The following AHRR variants were observed in gnomAD, a reference collection of about 807,000 sequenced individuals.
The protein encoded by AHRR is aryl hydrocarbon receptor repressor.
In AHRR, 28 loss-of-function variants were observed where a neutral mutation model predicts 44.0. That is an observed-to-expected ratio of 0.64 (90% CI 0.47 to 0.87). AHRR has a LOEUF of 0.87. AHRR is among the 40% of genes least tolerant of loss of function. The pLI, the probability that AHRR is intolerant of heterozygous loss-of-function variation, is 0.00. For missense variants in AHRR, 990 were observed against 953.9 expected (o/e 1.04, Z -0.50); for synonymous variants, 434 against 407.0 (o/e 1.07, Z -0.80).
At chr5:413,455 CT>C in intron 5 of AHRR, 22 bp downstream of exon 5, 2 of 1,542,566 alleles carry the variant, frequency 1.3e-6, no homozygotes, top group Non-Finnish European at 1.8e-6. Flanking sequence ...CAGAATAGCC[CT>C]CCAGTCTGTT....
At chr5:433,275 T>C (rs2126551305) in intron 10 of AHRR, among the ~76,000 whole-genome samples, 1 of 152,072 alleles carries the variant, frequency 6.6e-6, no homozygotes, top group East Asian at 1.9e-4. Flanking sequence ...TTGCCTTTGC[T>C]CAGAGCCCTC....
chr5:362,438 C>A (rs946756916), intron 3 of AHRR, among the ~76,000 whole-genome samples: 1 of 152,234 alleles, frequency 6.6e-6, no homozygotes, highest in African/African-American at 2.4e-5. Flanking sequence ...ACATGTGGGT[C>A]GAGTGCCTTC....
At chr5:334,437 T>C (rs1389490006) in intron 1 of AHRR, among the ~76,000 whole-genome samples, 1 of 152,084 alleles carries the variant, frequency 6.6e-6, no homozygotes, top group Non-Finnish European at 1.5e-5. Flanking sequence ...TTTTGTTTGA[T>C]TGGATAGTTT....
rs372582448 is a variant in AHRR, at chr5:387,146, C to T, written c.351+10430C>T. Reference sequence around the variant, plus strand: ...CGTCAGTGCAGCTCAAAGTGCTTTACGCTGTGTCTCTGGTGTGTTCCACAC... The same window carrying T: ...CGTCAGTGCAGCTCAAAGTGCTTTATGCTGTGTCTCTGGTGTGTTCCACAC... On this transcript the variant is annotated intron_variant, in intron 4 of 10. Coordinates refer to ENST00000684583, the MANE Select transcript of AHRR (RefSeq NM_001377236.1). This position sits in a 1 kb window ranked among gnomAD's most constrained non-coding sequence, Gnocchi z 5.1. Among the ~76,000 whole-genome samples the T allele has an allele frequency of 2.6e-5, 4 of 152,234 alleles. No homozygotes were observed. Among genetic ancestry groups the T allele is most frequent in the Non-Finnish European group, 4.4e-5 (3 of 68,042 alleles).
chr5:420,684 G>A (rs887428780), intron 5 of AHRR, among the ~76,000 whole-genome samples: 4 of 152,232 alleles, frequency 2.6e-5, no homozygotes, highest in African/African-American at 9.7e-5. Flanking sequence ...CACCAGGAGG[G>A]CGGGATGGCA....
At position 438,045 on chromosome 5, in the gene AHRR, T is replaced by C. The variant is rs1303833110; in HGVS notation, c.*3211T>C. On this transcript the variant is annotated 3_prime_UTR_variant, in exon 11 of 11. Coordinates refer to ENST00000684583, the MANE Select transcript of AHRR (RefSeq NM_001377236.1). ...ATTAAAGTCAAATATAAGGTGGGAA[T>C]GGGATGGAAGGGAGGAGATCAATAC... is the stretch of plus-strand genomic sequence containing the variant. 6.6e-6 allele frequency: 1 copy of C among 152,374 alleles called. No individual in the cohort carries two copies. The highest frequency in any genetic ancestry group is 2.4e-5 in the African/African-American group (1 of 41,452). 9.4% of individuals were successfully genotyped at this position (152,374 alleles called of 1,614,324 possible).
Position 423,924 on chromosome 5 carries a change from C to T in AHRR, c.655C>T (p.Arg219Cys), listed in dbSNP as rs759677266. 2.2e-5 allele frequency: 36 copies of T among 1,603,010 alleles called. No homozygotes were observed. The highest frequency in any genetic ancestry group is 5.0e-5 in the Admixed American group (3 of 59,998). The change falls in exon 7 of 11, where the codon CGC (arginine) becomes TGC (cysteine). Residue 219 changes from arginine (R) to cysteine (C), a missense_variant. Coordinates refer to ENST00000684583, the MANE Select transcript of AHRR (RefSeq NM_001377236.1). ...TPTEYSAFLT[R>C]CFICRVRCLL... is the part of the protein sequence containing the mutation. The stretch of plus-strand genomic sequence containing the variant: ...CACCGAGTACTCGGCCTTCCTGACC[C>T]GCTGCTTCATCTGCCGTGTGCGCTG...
intron 3 of AHRR, among the ~76,000 whole-genome samples, chr5:375,337 T>G (rs1258870624): frequency 6.6e-6 from 1 of 152,166 alleles, no homozygotes; most frequent in Non-Finnish European, 1.5e-5. Context: ...TCTGTCTGGG[T>G]CGGGCTCTTG....
At chr5:403,509 G>A (rs545227583) in intron 4 of AHRR, among the ~76,000 whole-genome samples, 28 of 152,136 alleles carry the variant, frequency 1.8e-4, no homozygotes, top group Non-Finnish European at 3.7e-4. Context: ...GGTGGCGCAT[G>A]CCTGTAATCC....
chr5:346,434 A>G (rs1742681008), intron 2 of AHRR, among the ~76,000 whole-genome samples: 1 of 152,124 alleles, frequency 6.6e-6, no homozygotes. Context: ...AAAAGCAGGA[A>G]ATTTCGTTCT....
chr5:423,481 G>A (rs376111002), intron 6 of AHRR, among the ~76,000 whole-genome samples: 27 of 152,286 alleles, frequency 1.8e-4, no homozygotes, highest in African/African-American at 6.5e-4. Flanking sequence ...TCTCTCGCAC[G>A]TATCCGCAGA....
chr5:430,668 T>C (rs2126546718), intron 8 of AHRR, among the ~76,000 whole-genome samples: 1 of 152,336 alleles, frequency 6.6e-6, no homozygotes, highest in East Asian at 1.9e-4. Flanking sequence ...CAGCGGTTAT[T>C]TGAAGGTTTT....
At chr5:402,421 T>C (rs1037069955) in intron 4 of AHRR, among the ~76,000 whole-genome samples, 4 of 134,112 alleles carry the variant, frequency 3.0e-5, no homozygotes, top group African/African-American at 1.2e-4. Context: ...GTTGAGGGTG[T>C]GGAGAGAAGG....
In AHRR at chr5:434,354, C is replaced by G. The variant is rs753410586; in HGVS notation, c.1614C>G (p.Asp538Glu). Residue 538 changes from aspartate to glutamate, a missense_variant, in exon 11 of 11, where the codon GAC becomes GAG. Transcript: ENST00000684583. ...ATGTGTCCATCAAGATGGAGAAGGA[C>G]TCTGGGTGTGAGGGTGCTGCAGACG... ...LLDVSIKMEK[D>E]SGCEGAADGC... The G allele has an allele frequency of 1.4e-5, 23 of 1,613,336 alleles. No homozygotes were observed. In the South Asian group the frequency reaches 2.0e-4, roughly 14 times the overall value.
At position 321,921 on chromosome 5, in the gene AHRR, G is replaced by C. The variant is rs1025920916; in HGVS notation, c.-11+102G>C. 1.2e-4 allele frequency: 18 copies of C among 152,140 alleles called. 1 individual carries two copies. The East Asian group carries it at 3.3e-3, about 28-fold the overall frequency. 9.4% of individuals were successfully genotyped at this position (152,140 alleles called of 1,614,324 possible). A position where few individuals can be genotyped will look rare whatever the true frequency, so the allele number is the denominator to read the frequency against. The stretch of plus-strand genomic sequence containing the variant: ...GGGCTGAGGGACGGGCGCCGGCGTC[G>C]GGACCCTCCTCACGCCGCATCCTCG... On this transcript the variant is annotated intron_variant, in intron 1 of 10. Coordinates refer to ENST00000684583, the MANE Select transcript of AHRR (RefSeq NM_001377236.1). The surrounding 1 kb of genome is among the most constrained non-coding windows in gnomAD (Gnocchi z 8.3).
At chr5:328,831 T>C (rs1185578104) in intron 1 of AHRR, among the ~76,000 whole-genome samples, 1 of 152,236 alleles carries the variant, frequency 6.6e-6, no homozygotes. Context: ...TTTTCTCCCG[T>C]TTAACAGGTT....
chr5:428,950 G>A (rs1462839293), intron 8 of AHRR, among the ~76,000 whole-genome samples: 2 of 152,242 alleles, frequency 1.3e-5, no homozygotes, highest in African/African-American at 2.4e-5. Flanking sequence ...AGTGGGGAGT[G>A]GCTGTAAATA....
At chr5:382,619 C>T (rs187830457) in intron 4 of AHRR, among the ~76,000 whole-genome samples, 30 of 151,586 alleles carry the variant, frequency 2.0e-4, no homozygotes, top group African/African-American at 7.0e-4. Context: ...TTTTCTGTTT[C>T]CAATTTTATT....
chr5:418,127 C>A (rs1735908414), intron 5 of AHRR, among the ~76,000 whole-genome samples: 1 of 152,180 alleles, frequency 6.6e-6, no homozygotes, highest in Admixed American at 6.5e-5. Flanking sequence ...ATGTTAGCTG[C>A]TAGAGTGAGC....
Sources: gnomAD v4.1 joint callset for allele counts (sites outside exome capture counted in the v4.1 genomes callset) on GRCh38, gnomAD v4.1.1 for gene constraint, Gnocchi (gnomAD v3.1) non-coding constraint, MANE v1.5 for transcripts, NCBI Gene and HGNC (gene_info 2026-07-23, HGNC 2026-07-21) for gene names.